NQO2: variants seen among roughly 807,000 people sequenced by gnomAD.
NQO2 encodes the protein N-ribosyldihydronicotinamide:quinone dehydrogenase 2, also known as ribosyldihydronicotinamide dehydrogenase [quinone].
Under a neutral mutation model 22.0 loss-of-function variants are expected in NQO2, and 18 were observed. That is an observed-to-expected ratio of 0.82 (90% CI 0.56 to 1.21). The LOEUF (loss-of-function observed/expected upper bound fraction) is 1.21. Among genes scored for constraint, NQO2 ranks in the 50% most tolerant of loss-of-function variants. The probability of loss-of-function intolerance (pLI) is 0.00; values close to 1 mark genes in which losing one functional copy is unlikely to be tolerated. For synonymous variants in NQO2, 106 were observed against 110.8 expected, an observed-to-expected ratio of 0.96 and a Z score of 0.28; for missense variants, 267 against 286.9, an observed-to-expected ratio of 0.93 and a Z score of 0.50.
chr6:3,005,704 G>A, intron 1 of NQO2: 1 of 985,340 alleles, frequency 1.0e-6, no homozygotes, highest in Non-Finnish European at 1.2e-6. Context: ...ATGGCCAGGA[G>A]GGGGTGAGGC....
intron 4 of NQO2, among the ~76,000 whole-genome samples, chr6:3,014,036 T>C (rs76268684): frequency 2.5e-4 from 38 of 152,336 alleles, no homozygotes; most frequent in Non-Finnish European, 5.1e-4. Flanking sequence ...CCAACCCTGC[T>C]TGAGGATGCG....
intron 4 of NQO2, among the ~76,000 whole-genome samples, chr6:3,013,096 C>T (rs1022515351): frequency 2.8e-4 from 43 of 151,674 alleles, no homozygotes; most frequent in African/African-American, 1.0e-3. Flanking sequence ...GCTGGGACTA[C>T]AGGCGCCCGC....
At chr6:3,011,358 A>T (rs1475587643) in intron 3 of NQO2, among the ~76,000 whole-genome samples, 1 of 152,222 alleles carries the variant, frequency 6.6e-6, no homozygotes, top group African/African-American at 2.4e-5. Context: ...TGGATGAAGC[A>T]GAAGAAAAAA....
chr6:3,008,163 A>G (rs1351374698), intron 2 of NQO2, among the ~76,000 whole-genome samples: 1 of 152,208 alleles, frequency 6.6e-6, no homozygotes, highest in Non-Finnish European at 1.5e-5. Context: ...CATACCAGTA[A>G]TCCCAGCACT....
intron 1 of NQO2, chr6:3,004,673 G>A: frequency 7.1e-6 from 7 of 983,808 alleles, no homozygotes; most frequent in Non-Finnish European, 8.4e-6. Flanking sequence ...CACCACTTTT[G>A]TGTGTCTCTG....
intron 1 of NQO2, among the ~76,000 whole-genome samples, chr6:3,001,159 A>G (rs1756696838): frequency 6.9e-6 from 1 of 145,486 alleles, no homozygotes; most frequent in African/African-American, 2.6e-5. Context: ...GCACAATCTC[A>G]GCTCACTGCA....
chr6:3,005,365 G>A (rs1016913953), intron 1 of NQO2, among the ~76,000 whole-genome samples: 3 of 152,260 alleles, frequency 2.0e-5, no homozygotes, highest in African/African-American at 4.8e-5. Flanking sequence ...TTTCCCCAGC[G>A]GTGCACGGGG....
intron 1 of NQO2, chr6:3,005,787 G>C: frequency 1.0e-6 from 1 of 985,330 alleles, no homozygotes; most frequent in Non-Finnish European, 1.2e-6. Context: ...CATAGCAACT[G>C]TCTCTCTCTC....
chr6:3,013,555 G>A (rs1394204456), intron 4 of NQO2, among the ~76,000 whole-genome samples: 2 of 152,164 alleles, frequency 1.3e-5, no homozygotes, highest in East Asian at 3.9e-4. Context: ...ATCATTAAGA[G>A]GAAAATCTCT....
In NQO2 at chr6:3,015,545, T is replaced by A; in HGVS notation, c.319T>A (p.Phe107Ile). The change falls in exon 5 of 7, where the codon TTC (phenylalanine) becomes ATC (isoleucine). Residue 107 changes from phenylalanine (F) to isoleucine (I), a missense_variant. By Grantham distance (21) the Phe-to-Ile change is conservative (BLOSUM62 0). Transcript: ENST00000380455. ...CCGCCCACAGTTCCCGCTGTACTGG[T>A]TCAGCGTGCCAGCCATCCTGAAGGG... ...LVIFQFPLYW[F>I]SVPAILKGWM... 1 of 1,614,104 alleles carries A rather than the reference T, an allele frequency of 6.2e-7. No individual in the cohort carries two copies. Among genetic ancestry groups the A allele is most frequent in the East Asian group, 2.2e-5 (1 of 44,890 alleles).
At chr6:3,005,605 A>G (rs1315230645) in intron 1 of NQO2, 1 of 980,890 alleles carries the variant, frequency 1.0e-6, no homozygotes, top group African/African-American at 1.8e-5. Context: ...GTTGTTGTTA[A>G]GTTTTATCTG....
chr6:3,007,125 A>G (rs1467599098), intron 2 of NQO2, among the ~76,000 whole-genome samples: 1 of 151,618 alleles, frequency 6.6e-6, no homozygotes, highest in African/African-American at 2.4e-5. Context: ...CCTTGGCACC[A>G]CTGACATTCT....
At chr6:3,012,402 C>T (rs1757162629) in intron 3 of NQO2, 142 bp from the exon 4 acceptor site, 4 of 1,459,702 alleles carry the variant, frequency 2.7e-6, no homozygotes, top group Admixed American at 2.7e-5. Context: ...TAGCTCGGAC[C>T]CAGGGTGCAG....
At chr6:3,015,156 C>A (rs1052747634) in intron 4 of NQO2, 1 of 1,304,776 alleles carries the variant, frequency 7.7e-7, no homozygotes, top group Non-Finnish European at 1.0e-6. Context: ...GCTAACAACA[C>A]ACCCCAGGCA....
intron 4 of NQO2, among the ~76,000 whole-genome samples, chr6:3,014,894 C>T (rs773756308): frequency 2.0e-5 from 3 of 152,148 alleles, no homozygotes; most frequent in Non-Finnish European, 2.9e-5. Flanking sequence ...AGCAGCAGGT[C>T]GTGGAGCTTG....
chr6:3,018,591 C>G (rs961069172), intron 6 of NQO2, among the ~76,000 whole-genome samples: 2 of 152,048 alleles, frequency 1.3e-5, no homozygotes, highest in Admixed American at 6.6e-5. Flanking sequence ...CCTCTCACTC[C>G]CCACCTGACA....
At chr6:3,008,961 C>CT (rs1387147444) in intron 2 of NQO2, among the ~76,000 whole-genome samples, 30 of 141,178 alleles carry the variant, frequency 2.1e-4, no homozygotes, top group Admixed American at 7.0e-4. Context: ...GACCACGGGA[C>CT]GGGGCGAAAT....
At chr6:3,004,861 T>G (rs1254509667) in intron 1 of NQO2, among the ~76,000 whole-genome samples, 1 of 152,144 alleles carries the variant, frequency 6.6e-6, no homozygotes, top group African/African-American at 2.4e-5. Flanking sequence ...TTTAACCACT[T>G]TTTTTGTTTG....
At chr6:3,012,407 G>A (rs1220665501) in intron 3 of NQO2, 137 bp from the exon 4 acceptor site, 1 of 1,470,014 alleles carries the variant, frequency 6.8e-7, no homozygotes, top group African/African-American at 1.4e-5. Flanking sequence ...CGGACCCAGG[G>A]TGCAGCTTCT....
Sources: gnomAD v4.1 joint callset for allele counts (sites outside exome capture counted in the v4.1 genomes callset) on GRCh38, gnomAD v4.1.1 for gene constraint, MANE v1.5 for transcripts, NCBI Gene and HGNC (gene_info 2026-07-23, HGNC 2026-07-21) for gene names.